Variants in SLC25A26 observed in about 807,000 individuals in gnomAD.
SLC25A26 encodes the protein solute carrier family 25 member 26.
Under a neutral mutation model 37.8 loss-of-function variants are expected in SLC25A26, and 36 were observed. The ratio of observed to expected loss-of-function variants is 0.95; its 90% CI spans 0.73 to 1.26. The LOEUF (loss-of-function observed/expected upper bound fraction) is 1.26. Ranked by LOEUF, SLC25A26 falls within the 50% of genes most tolerant of loss-of-function variation. The pLI, the probability that SLC25A26 is intolerant of heterozygous loss-of-function variation, is 0.00. For synonymous variants in SLC25A26, 129 were observed against 122.5 expected, an observed-to-expected ratio of 1.05 and a Z score of -0.35; for missense variants, 390 against 331.1, an observed-to-expected ratio of 1.18 and a Z score of -1.38.
intron 6 of SLC25A26, among the ~76,000 whole-genome samples, chr3:66,354,514 G>T (rs1334591807): frequency 2.6e-5 from 4 of 152,076 alleles, no homozygotes; most frequent in East Asian, 1.9e-4. Context: ...TAAACGTGCA[G>T]TACTACATAA....
intron 3 of SLC25A26, among the ~76,000 whole-genome samples, chr3:66,250,474 A>T (rs191455923): frequency 6.6e-6 from 1 of 152,194 alleles, no homozygotes; most frequent in African/African-American, 2.4e-5. Flanking sequence ...TGTATTTCAG[A>T]TTTTGCATTT....
At chr3:66,274,907 A>G (rs1369387117) in intron 5 of SLC25A26, among the ~76,000 whole-genome samples, 2 of 152,136 alleles carry the variant, frequency 1.3e-5, no homozygotes, top group East Asian at 3.9e-4. Context: ...CTAGGTATAT[A>G]CCCAAAGGAC....
At chr3:66,220,270 G>A (rs2071433168), upstream of SLC25A26, among the ~76,000 whole-genome samples, 1 of 152,188 alleles carries the variant, frequency 6.6e-6, no homozygotes, top group Non-Finnish European at 1.5e-5. Flanking sequence ...ATGAAAAAAT[G>A]TCTGTCAATC....
intron 6 of SLC25A26, among the ~76,000 whole-genome samples, chr3:66,349,906 A>T (rs1018583174): frequency 3.3e-5 from 5 of 152,106 alleles, no homozygotes; most frequent in African/African-American, 1.2e-4. Flanking sequence ...CCATTCTAGT[A>T]CTTGTGAATT....
chr3:66,357,308 G>A (rs556224601), intron 6 of SLC25A26, among the ~76,000 whole-genome samples: 17 of 152,330 alleles, frequency 1.1e-4, no homozygotes, highest in African/African-American at 2.9e-4. Flanking sequence ...CAGTTACTCA[G>A]GAGGCTGAGG....
rs1700797339 is a variant in SLC25A26, at chr3:66,378,255, G to A, written c.*448G>A. 6.5e-6 allele frequency: 1 copy of A among 153,744 alleles called. No homozygotes were observed. Among genetic ancestry groups the A allele is most frequent in the African/African-American group, 2.4e-5 (1 of 41,462 alleles). 9.5% of individuals were successfully genotyped at this position (153,744 alleles called of 1,614,324 possible). A position where few individuals can be genotyped will look rare whatever the true frequency, so the allele number is the denominator to read the frequency against. On this transcript the variant is annotated 3_prime_UTR_variant, in exon 10 of 10. Transcript: ENST00000354883. ...GTGTATGTGGGTGTTTCTCCCCCTA[G>A]TTAATTCCTGTTGTGTAAGGGTAGG...
intron 1 of SLC25A26, among the ~76,000 whole-genome samples, chr3:66,235,691 A>G (rs2072244051): frequency 6.6e-6 from 1 of 152,186 alleles, no homozygotes; most frequent in African/African-American, 2.4e-5. Flanking sequence ...GTGAAAAGAT[A>G]AATCGTTAAA....
intron 6 of SLC25A26, among the ~76,000 whole-genome samples, chr3:66,353,374 G>A (rs1307234793): frequency 6.6e-6 from 1 of 152,202 alleles, no homozygotes; most frequent in Non-Finnish European, 1.5e-5. Flanking sequence ...CCTGGTCTTT[G>A]TTCTGTAGAT....
intron 1 of SLC25A26, among the ~76,000 whole-genome samples, chr3:66,183,504 C>T (rs1046620169): frequency 1.3e-5 from 2 of 152,064 alleles, no homozygotes; most frequent in African/African-American, 4.8e-5. Flanking sequence ...CACACTTACC[C>T]TCTCAATTTA....
At position 66,316,811 on chromosome 3, in the gene SLC25A26, A is replaced by G. The variant is rs181581076; in HGVS notation, c.454-29553A>G. On this transcript the variant is annotated intron_variant, in intron 5 of 9. Coordinates refer to ENST00000354883, the MANE Select transcript of SLC25A26 (RefSeq NM_001379210.1). ...CCCATAGTTCTTGGAGGTTTTGTTC[A>G]TTCCTTTTTTTCTAATCTTGTCTGC... Among the ~76,000 whole-genome samples, 227 of 152,040 alleles carry G rather than the reference A, an allele frequency of 1.5e-3. 1 individual carries two copies. Among genetic ancestry groups the G allele is most frequent in the African/African-American group, 5.2e-3 (215 of 41,458 alleles).
intron 1 of SLC25A26, among the ~76,000 whole-genome samples, chr3:66,199,754 C>T (rs1460405153): frequency 1.3e-5 from 2 of 151,832 alleles, no homozygotes; most frequent in Non-Finnish European, 2.9e-5. Flanking sequence ...CCAGCTGCAC[C>T]CTGTCATGAC....
chr3:66,134,674 A>G (rs1304761668), intron 1 of SLC25A26, among the ~76,000 whole-genome samples: 1 of 152,248 alleles, frequency 6.6e-6, no homozygotes. Context: ...GGAATGACTT[A>G]AAAATCACTA....
chr3:66,264,973 G>C (rs1436706925), intron 5 of SLC25A26, among the ~76,000 whole-genome samples: 1 of 152,142 alleles, frequency 6.6e-6, no homozygotes, highest in Non-Finnish European at 1.5e-5. Context: ...TTGGTTGAAA[G>C]AGCAAAAGTT....
At chr3:66,259,772 G>C (rs146400528) in intron 3 of SLC25A26, among the ~76,000 whole-genome samples, 61 of 152,194 alleles carry the variant, frequency 4.0e-4, no homozygotes, top group African/African-American at 1.4e-3. Flanking sequence ...TGCAGCCAGA[G>C]TGATCTCCCT....
At chr3:66,207,349 G>A (rs2071195085) in intron 1 of SLC25A26, among the ~76,000 whole-genome samples, 1 of 151,976 alleles carries the variant, frequency 6.6e-6, no homozygotes, top group African/African-American at 2.4e-5. Flanking sequence ...AACAATTAGG[G>A]GTTTCACGGC....
intron 1 of SLC25A26, among the ~76,000 whole-genome samples, chr3:66,209,087 G>GTT (rs1355017192): frequency 5.0e-5 from 2 of 39,972 alleles, no homozygotes; most frequent in South Asian, 8.0e-4. Flanking sequence ...CCCATATAAA[G>GTT]ATGTATATAT....
At chr3:66,346,453 A>G (rs367631882) in intron 6 of SLC25A26, 45 bp downstream of exon 6, 2 of 1,061,476 alleles carry the variant, frequency 1.9e-6, no homozygotes, top group Non-Finnish European at 2.7e-6. Flanking sequence ...TAATTATAAC[A>G]TACCTAATAG....
Position 66,231,338 on chromosome 3 carries a change from A to G in SLC25A26, c.34-5206A>G, listed in dbSNP as rs1383994617. Among the ~76,000 whole-genome samples the G allele has an allele frequency of 3.3e-5, 5 of 152,114 alleles. 1 individual carries two copies. Among genetic ancestry groups the G allele is most frequent in the African/African-American group, 9.7e-5 (4 of 41,414 alleles). ...ACCGTTTGCTGAGTGGCTTCTATAT[A>G]TCAAGTACAACCAGTAAATTAGAGA... On this transcript the variant is annotated intron_variant, in intron 1 of 9. Transcript: ENST00000354883.
At chr3:66,246,203 C>T (rs768971797) in intron 3 of SLC25A26, among the ~76,000 whole-genome samples, 1 of 152,156 alleles carries the variant, frequency 6.6e-6, no homozygotes, top group Non-Finnish European at 1.5e-5. Flanking sequence ...AGTCTCGTTA[C>T]ATGCAGTTAG....
Sources: gnomAD v4.1 joint callset for allele counts (sites outside exome capture counted in the v4.1 genomes callset) on GRCh38, gnomAD v4.1.1 for gene constraint, MANE v1.5 for transcripts, NCBI Gene and HGNC (gene_info 2026-07-23, HGNC 2026-07-21) for gene names.